The following SYNE2 variants were observed in gnomAD, a reference collection of about 807,000 sequenced individuals.
SYNE2 encodes the protein spectrin repeat containing nuclear envelope protein 2, also known as nesprin-2.
SYNE2 carries 431 observed loss-of-function variants against 856.3 expected under a neutral mutation model. That is an observed-to-expected ratio of 0.50 (90% CI 0.47 to 0.55). SYNE2 has a LOEUF of 0.55. Ranked by LOEUF, SYNE2 falls within the 20% of genes least tolerant of loss-of-function variation. The pLI is 0.00. For missense variants in SYNE2, 8,129 were observed against 8,023.2 expected (o/e 1.01, Z -0.50); for synonymous variants, 2,923 against 2,872.3 (o/e 1.02, Z -0.56).
intron 80 of SYNE2, among the ~76,000 whole-genome samples, 195 bp downstream of exon 80, chr14:64,140,268 T>C (rs918245658): frequency 6.6e-5 from 10 of 152,368 alleles, no homozygotes; most frequent in African/African-American, 2.4e-4. Context: ...TGTTTTTAAT[T>C]GACCCCATAA....
intron 1 of SYNE2, among the ~76,000 whole-genome samples, chr14:63,887,629 G>A (rs771755738): frequency 6.6e-6 from 1 of 151,984 alleles, no homozygotes; most frequent in Non-Finnish European, 1.5e-5. Context: ...TGGAAGATAT[G>A]TAACTTCTAG....
chr14:63,887,794 C>T (rs1265854659), intron 1 of SYNE2, among the ~76,000 whole-genome samples: 4 of 121,298 alleles, frequency 3.3e-5, no homozygotes, highest in African/African-American at 1.3e-4. Context: ...GCTCTGTCAT[C>T]TAGGCTGGAG....
chr14:64,100,529 AAAATATATATATATATATAT>A (rs1314628678), intron 63 of SYNE2, among the ~76,000 whole-genome samples: 4 of 57,662 alleles, frequency 6.9e-5, no homozygotes, highest in Non-Finnish European at 1.2e-4. Context: ...AAAAAAAAAA[AAAATATATATATATATATAT>A]ATATATATAT....
At chr14:64,184,368 G>GTGTGTGTGTA (rs1226355639) in intron 96 of SYNE2, among the ~76,000 whole-genome samples, 6 of 150,838 alleles carry the variant, frequency 4.0e-5, no homozygotes, top group African/African-American at 1.5e-4. Context: ...GTGTGTATGT[G>GTGTGTGTGTA]TATGAACATG....
intron 1 of SYNE2, among the ~76,000 whole-genome samples, chr14:63,838,728 T>C (rs960061801): frequency 6.6e-6 from 1 of 152,052 alleles, no homozygotes; most frequent in Non-Finnish European, 1.5e-5. Context: ...CAGCTTGCCT[T>C]GAACTCCTGG....
chr14:64,077,192 C>T (rs909575278), intron 54 of SYNE2, among the ~76,000 whole-genome samples: 7 of 151,968 alleles, frequency 4.6e-5, no homozygotes, highest in African/African-American at 7.3e-5. Flanking sequence ...TCAAGGATCC[C>T]GGGGGACAGA....
rs990068319 is a variant in SYNE2, at chr14:64,081,649, C to G, written c.11484+69C>G. On this transcript the variant is annotated intron_variant, in intron 57 of 115. Transcript: ENST00000555002. Reference sequence around the variant, plus strand: ...AAAGATTCGTGGCTTAGCTGATTGTCTTGGTGCTTTTTTCCTCCTTTCCTG... The same window carrying G: ...AAAGATTCGTGGCTTAGCTGATTGTGTTGGTGCTTTTTTCCTCCTTTCCTG... 8.3e-6 allele frequency: 13 copies of G among 1,562,884 alleles called. No individual in the cohort carries two copies. In the East Asian group the frequency reaches 2.7e-4, roughly 32 times the overall value.
At chr14:64,207,562 G>A (rs112846828) in intron 100 of SYNE2, among the ~76,000 whole-genome samples, 61 of 139,154 alleles carry the variant, frequency 4.4e-4, no homozygotes, top group African/African-American at 1.6e-3. Context: ...AAAAAAAAAA[G>A]AGAGTATGAA....
chr14:63,884,479 C>A (rs1192241961), intron 1 of SYNE2, among the ~76,000 whole-genome samples: 1 of 152,068 alleles, frequency 6.6e-6, no homozygotes, highest in Non-Finnish European at 1.5e-5. Context: ...GCTTAGGTTG[C>A]AGTAAGGTGT....
intron 1 of SYNE2, among the ~76,000 whole-genome samples, chr14:63,835,475 C>T (rs552110029): frequency 3.8e-4 from 58 of 152,132 alleles, no homozygotes; most frequent in Admixed American, 1.8e-3. Flanking sequence ...TCAAGTGATC[C>T]GCCCTCTTTG....
chr14:64,193,548 C>CAA (rs902187688), intron 99 of SYNE2, among the ~76,000 whole-genome samples: 1 of 140,214 alleles, frequency 7.1e-6, no homozygotes, highest in African/African-American at 2.6e-5. Context: ...AACTCCGTCT[C>CAA]AAAAAAAAAA....
intron 19 of SYNE2, among the ~76,000 whole-genome samples, chr14:63,988,888 G>C (rs767479592): frequency 1.3e-5 from 2 of 152,158 alleles, no homozygotes; most frequent in Non-Finnish European, 2.9e-5. Context: ...CTCTCACCGG[G>C]TGTCTCTCAC....
intron 103 of SYNE2, among the ~76,000 whole-genome samples, chr14:64,210,695 A>G (rs965953328): frequency 6.6e-6 from 1 of 152,252 alleles, no homozygotes; most frequent in Non-Finnish European, 1.5e-5. Flanking sequence ...ACCTGTGTGA[A>G]TCCAGTTATA....
At chr14:64,064,240 G>C (rs148172532) in intron 50 of SYNE2, among the ~76,000 whole-genome samples, 8 of 152,300 alleles carry the variant, frequency 5.3e-5, no homozygotes, top group South Asian at 2.1e-4. Context: ...CACAACAGTT[G>C]ATCTGATCAC....
At chr14:63,792,876 A>G (rs1350735748) in intron 1 of SYNE2, among the ~76,000 whole-genome samples, 2 of 152,008 alleles carry the variant, frequency 1.3e-5, no homozygotes, top group Non-Finnish European at 2.9e-5. Context: ...ATGGGGTCTC[A>G]CTATGTTGCC....
intron 78 of SYNE2, among the ~76,000 whole-genome samples, chr14:64,135,271 C>T (rs1403545899): frequency 2.0e-5 from 3 of 152,082 alleles, no homozygotes; most frequent in South Asian, 4.1e-4. Context: ...ACCTCAAAAG[C>T]ACATTTATTG....
intron 66 of SYNE2, among the ~76,000 whole-genome samples, chr14:64,114,812 GGT>G (rs953795086): frequency 6.6e-6 from 1 of 151,884 alleles, no homozygotes; most frequent in Non-Finnish European, 1.5e-5. Flanking sequence ...AGAGATGAGA[GGT>G]CTCACTATAT....
At chr14:64,036,867 C>G (rs141237843) in intron 45 of SYNE2, among the ~76,000 whole-genome samples, 90 of 152,290 alleles carry the variant, frequency 5.9e-4, no homozygotes, top group African/African-American at 2.0e-3. Context: ...CCCACATAAA[C>G]ATGGTCTCTG....
At chr14:63,878,841 G>A (rs989793868) in intron 1 of SYNE2, among the ~76,000 whole-genome samples, 1 of 152,160 alleles carries the variant, frequency 6.6e-6, no homozygotes, top group Non-Finnish European at 1.5e-5. Context: ...CACTGCGCTC[G>A]GCTTGAAGCC....
Sources: gnomAD v4.1 joint callset for allele counts (sites outside exome capture counted in the v4.1 genomes callset) on GRCh38, gnomAD v4.1.1 for gene constraint, MANE v1.5 for transcripts, NCBI Gene and HGNC (gene_info 2026-07-23, HGNC 2026-07-21) for gene names.